CCDC7: variants seen among roughly 807,000 people sequenced by gnomAD.
The protein encoded by CCDC7 is coiled-coil domain containing 7.
In CCDC7, 183 loss-of-function variants were observed where a neutral mutation model predicts 196.9. The ratio of observed to expected loss-of-function variants is 0.93; its 90% CI spans 0.82 to 1.05. The LOEUF (loss-of-function observed/expected upper bound fraction) is 1.05, where lower values mean the gene tolerates loss of function less well. CCDC7 is among the 50% of genes least tolerant of loss of function. The probability of loss-of-function intolerance (pLI) is 0.00; values close to 1 mark genes in which losing one functional copy is unlikely to be tolerated. For synonymous variants in CCDC7, 525 were observed against 484.6 expected, an observed-to-expected ratio of 1.08 and a Z score of -1.10; for missense variants, 1,540 against 1,482.2, an observed-to-expected ratio of 1.04 and a Z score of -0.64.
intron 24 of CCDC7, among the ~76,000 whole-genome samples, chr10:32,707,523 G>A (rs2080001023): frequency 6.6e-6 from 1 of 152,164 alleles, no homozygotes; most frequent in South Asian, 2.1e-4. Flanking sequence ...AAAAGAGGAA[G>A]TCAAATTATC....
At chr10:32,461,999 C>T (rs546774880) in intron 3 of CCDC7, among the ~76,000 whole-genome samples, 8 of 151,724 alleles carry the variant, frequency 5.3e-5, no homozygotes, top group East Asian at 1.9e-4. Context: ...CTTGAACTCT[C>T]GACTTCAGGT....
At chr10:32,734,101 T>C (rs2084442267) in intron 28 of CCDC7, among the ~76,000 whole-genome samples, 1 of 152,158 alleles carries the variant, frequency 6.6e-6, no homozygotes, top group Admixed American at 6.5e-5. Context: ...GGAATATAAA[T>C]TATTCTACCA....
chr10:32,555,394 C>T lies in CCDC7; in HGVS notation c.1135-10164C>T, dbSNP rs533926791. On this transcript the variant is annotated intron_variant, in intron 13 of 41. Coordinates refer to ENST00000639629, the Ensembl canonical transcript of CCDC7. ...CTGAGTAGCTGGGACTATGGGCGGG[C>T]GCCACCACACCCAGCTAATTTTTGT... is the stretch of plus-strand genomic sequence containing the variant. 2.4e-4 allele frequency among the ~76,000 whole-genome samples: 37 copies of T among 152,010 alleles called. No individual in the cohort carries two copies. The East Asian group carries it at 3.9e-3, about 16-fold the overall frequency.
intron 8 of CCDC7, among the ~76,000 whole-genome samples, chr10:32,486,994 G>A (rs1262144541): frequency 6.6e-6 from 1 of 151,994 alleles, no homozygotes; most frequent in African/African-American, 2.4e-5. Flanking sequence ...CTCGAGGAAT[G>A]TCTTTGTGGT....
chr10:32,763,869 A>C (rs1003067552), intron 28 of CCDC7, among the ~76,000 whole-genome samples: 14 of 151,922 alleles, frequency 9.2e-5, no homozygotes, highest in Admixed American at 5.3e-4. Context: ...AATTTCAGTT[A>C]GATAGGAGTA....
chr10:32,747,515 A>C (rs1320020329), intron 28 of CCDC7, among the ~76,000 whole-genome samples: 1 of 152,188 alleles, frequency 6.6e-6, no homozygotes, highest in Non-Finnish European at 1.5e-5. Flanking sequence ...CAAATCAATA[A>C]GCAAAAAACA....
At chr10:32,701,708 C>T (rs2078755178) in intron 24 of CCDC7, among the ~76,000 whole-genome samples, 1 of 152,108 alleles carries the variant, frequency 6.6e-6, no homozygotes, top group Non-Finnish European at 1.5e-5. Context: ...TGTTATTGGT[C>T]TATTCAGAGA....
chr10:32,659,998 C>G (rs1231054348), intron 20 of CCDC7, among the ~76,000 whole-genome samples: 1 of 152,188 alleles, frequency 6.6e-6, no homozygotes, highest in Non-Finnish European at 1.5e-5. Flanking sequence ...GAATAGATAT[C>G]ATTCTCCTAT....
intron 32 of CCDC7, among the ~76,000 whole-genome samples, chr10:32,834,587 T>C (rs2092455718): frequency 6.6e-6 from 1 of 151,964 alleles, no homozygotes; most frequent in South Asian, 2.1e-4. Context: ...TTCAAATCAC[T>C]AAACTTCTCT....
chr10:32,666,838 G>T (rs924167247), intron 21 of CCDC7, among the ~76,000 whole-genome samples: 3 of 152,024 alleles, frequency 2.0e-5, no homozygotes, highest in African/African-American at 7.2e-5. Context: ...ATAAACATAC[G>T]TGTGCATGTG....
chr10:32,816,702 C>G (rs185048921), intron 31 of CCDC7, among the ~76,000 whole-genome samples: 2 of 152,136 alleles, frequency 1.3e-5, no homozygotes, highest in African/African-American at 4.8e-5. Context: ...CTGCAGCCTC[C>G]GCTGCTGATA....
intron 31 of CCDC7, among the ~76,000 whole-genome samples, chr10:32,822,744 T>C (rs192694790): frequency 3.3e-5 from 5 of 152,258 alleles, no homozygotes; most frequent in Admixed American, 2.0e-4. Context: ...AAGCATTGAA[T>C]TGGACACTTT....
chr10:32,484,308 G>T (rs1373918818), intron 8 of CCDC7, among the ~76,000 whole-genome samples: 1 of 143,750 alleles, frequency 7.0e-6, no homozygotes, highest in Non-Finnish European at 1.5e-5. Context: ...GTCTGTTATT[G>T]GTATATAGGA....
At chr10:32,744,814 A>G (rs2074437485) in intron 28 of CCDC7, among the ~76,000 whole-genome samples, 1 of 152,168 alleles carries the variant, frequency 6.6e-6, no homozygotes, top group African/African-American at 2.4e-5. Flanking sequence ...GAAGTTGTTG[A>G]ATTTTAATTA....
intron 13 of CCDC7, among the ~76,000 whole-genome samples, chr10:32,563,289 G>GA (rs2056113443): frequency 6.6e-6 from 1 of 151,980 alleles, no homozygotes; most frequent in African/African-American, 2.4e-5. Flanking sequence ...CACAGAATTG[G>GA]AAAAAACTAC....
At chr10:32,560,949 G>A (rs183441606) in intron 13 of CCDC7, among the ~76,000 whole-genome samples, 3 of 151,898 alleles carry the variant, frequency 2.0e-5, no homozygotes, top group African/African-American at 4.8e-5. Flanking sequence ...AGACACACAG[G>A]CTCAAAATAA....
intron 24 of CCDC7, among the ~76,000 whole-genome samples, chr10:32,703,680 A>G (rs2079162284): frequency 6.6e-6 from 1 of 152,076 alleles, no homozygotes; most frequent in African/African-American, 2.4e-5. Flanking sequence ...GTCTTTTTAC[A>G]TAGACCCATA....
At chr10:32,676,989 A>G (rs1436005105) in intron 21 of CCDC7, among the ~76,000 whole-genome samples, 1 of 151,468 alleles carries the variant, frequency 6.6e-6, no homozygotes, top group Non-Finnish European at 1.5e-5. Flanking sequence ...ACAACGATAG[A>G]CTGGATTAAG....
intron 30 of CCDC7, 105 bp from the exon 32 acceptor site, chr10:32,814,265 T>C (rs1174370111): frequency 1.7e-5 from 14 of 838,626 alleles, no homozygotes; most frequent in Non-Finnish European, 2.7e-5. Flanking sequence ...GCCACAAATA[T>C]TTTAAGTTAG....
Sources: allele counts gnomAD v4.1 joint callset (sites outside exome capture counted in the v4.1 genomes callset), GRCh38; gene constraint gnomAD v4.1.1; transcripts MANE v1.5; gene names NCBI Gene and HGNC (gene_info 2026-07-23, HGNC 2026-07-21).